The following DCDC2C variants were observed in gnomAD, a reference collection of about 807,000 sequenced individuals.
DCDC2C encodes doublecortin domain-containing protein 2C.
In DCDC2C, 44 loss-of-function variants were observed where a neutral mutation model predicts 45.0. That is an observed-to-expected ratio of 0.98 (90% confidence interval 0.77 to 1.26). DCDC2C has a LOEUF of 1.26. DCDC2C is among the 50% of genes most tolerant of loss of function. DCDC2C has a pLI of 0.00. For synonymous variants in DCDC2C, 187 were observed against 178.8 expected, an observed-to-expected ratio of 1.05 and a Z score of -0.37; for missense variants, 447 against 468.9, an observed-to-expected ratio of 0.95 and a Z score of 0.43.
intron 10 of DCDC2C, among the ~76,000 whole-genome samples, chr2:3,809,477 G>C (rs1671336171): frequency 3.3e-5 from 5 of 152,218 alleles, no homozygotes; most frequent in Admixed American, 2.0e-4. Context: ...TTTTGGTTTT[G>C]TAGCTATTGT....
intron 10 of DCDC2C, among the ~76,000 whole-genome samples, chr2:3,787,968 A>G (rs1033291237): frequency 6.6e-6 from 1 of 152,222 alleles, no homozygotes; most frequent in African/African-American, 2.4e-5. Context: ...TTTTGAGCAG[A>G]GCTGCCATTC....
chr2:3,759,901 C>T (rs537869922), intron 6 of DCDC2C, among the ~76,000 whole-genome samples: 7 of 152,264 alleles, frequency 4.6e-5, no homozygotes, highest in East Asian at 1.9e-4. Context: ...TGTGTGATGA[C>T]GATTTTCCTT....
In DCDC2C at chr2:3,722,867, C is replaced by G. The variant is rs1668536871; in HGVS notation, c.340-4136C>G. ...AGCAGAAAGCTGGTACTTAGGGTGG[C>G]TGTATTTTAATAGAATTTTGCAGAG... On this transcript the variant is annotated intron_variant, in intron 2 of 10. Coordinates refer to ENST00000399143, the MANE Select transcript of DCDC2C (RefSeq NM_001287444.2). Among the ~76,000 whole-genome samples, 2 of 152,094 alleles carry G rather than the reference C, an allele frequency of 1.3e-5. 1 individual carries two copies. The highest frequency in any genetic ancestry group is 4.1e-4 in the South Asian group (2 of 4,822).
chr2:3,784,599 T>A (rs1670602467), intron 9 of DCDC2C, among the ~76,000 whole-genome samples: 1 of 151,992 alleles, frequency 6.6e-6, no homozygotes, highest in Non-Finnish European at 1.5e-5. Flanking sequence ...AATATATTAA[T>A]GACTATTAAT....
At chr2:3,808,354 G>A (rs1484496704) in intron 10 of DCDC2C, among the ~76,000 whole-genome samples, 1 of 151,982 alleles carries the variant, frequency 6.6e-6, no homozygotes, top group Admixed American at 6.6e-5. Context: ...TTTGTTTAAT[G>A]GATTGTTTCC....
intron 9 of DCDC2C, among the ~76,000 whole-genome samples, chr2:3,783,780 T>C (rs973625409): frequency 6.6e-6 from 1 of 152,204 alleles, no homozygotes; most frequent in African/African-American, 2.4e-5. Flanking sequence ...TAGAGGGGAC[T>C]AAAGATGAAG....
chr2:3,785,977 T>G (rs1352820065), intron 10 of DCDC2C, among the ~76,000 whole-genome samples: 1 of 152,212 alleles, frequency 6.6e-6, no homozygotes, highest in Non-Finnish European at 1.5e-5. Flanking sequence ...TATTCAAAGT[T>G]TGTCTGTCCA....
At chr2:3,743,836 G>A (rs1163328717) in intron 4 of DCDC2C, among the ~76,000 whole-genome samples, 1 of 152,214 alleles carries the variant, frequency 6.6e-6, no homozygotes, top group Non-Finnish European at 1.5e-5. Flanking sequence ...GGGAGGCCGA[G>A]GCCGGTGGAT....
chr2:3,837,897 G>A (rs1244866985), intron 10 of DCDC2C, among the ~76,000 whole-genome samples: 1 of 152,154 alleles, frequency 6.6e-6, no homozygotes, highest in African/African-American at 2.4e-5. Flanking sequence ...CACATATCCC[G>A]GGAGGTGAGG....
At chr2:3,757,899 A>G (rs939065585) in intron 6 of DCDC2C, among the ~76,000 whole-genome samples, 1 of 152,178 alleles carries the variant, frequency 6.6e-6, no homozygotes, top group Non-Finnish European at 1.5e-5. Flanking sequence ...AACACTGCCC[A>G]ATGGAGTCAG....
At chr2:3,794,199 T>C (rs1054725474) in intron 10 of DCDC2C, among the ~76,000 whole-genome samples, 2 of 152,192 alleles carry the variant, frequency 1.3e-5, no homozygotes, top group Admixed American at 6.5e-5. Flanking sequence ...ATGCAAATGT[T>C]CAATGAGTTA....
intron 3 of DCDC2C, among the ~76,000 whole-genome samples, chr2:3,729,841 T>C (rs931471946): frequency 4.0e-5 from 6 of 151,856 alleles, no homozygotes; most frequent in African/African-American, 1.5e-4. Flanking sequence ...GGGGCTAGGG[T>C]CATCCTATGG....
intron 6 of DCDC2C, among the ~76,000 whole-genome samples, chr2:3,764,465 C>T (rs1461332109): frequency 6.6e-6 from 1 of 152,150 alleles, no homozygotes; most frequent in African/African-American, 2.4e-5. Context: ...AGACTTGGAC[C>T]ACAGTTTAGG....
In DCDC2C at chr2:3,704,264, GGGCAGGGCGGGCCCTGGCC is replaced by G. The variant is rs1446124001; in HGVS notation, c.287+232_287+250del. On this transcript the variant is annotated intron_variant, in intron 1 of 10. Transcript: ENST00000399143. ...CCCGCCCCCAGGGTCCCTTCCTATG[GGGCAGGGCGGGCCCTGGCC>G]GGCAGCGATTCAGGACCGCCCCAGA... 135 of 393,468 alleles carry G rather than the reference GGGCAGGGCGGGCCCTGGCC, an allele frequency of 3.4e-4. No individual in the cohort carries two copies. In the Admixed American group the frequency reaches 3.7e-3, roughly 11 times the overall value. 24.4% of individuals were successfully genotyped at this position (393,468 alleles called of 1,614,324 possible).
At chr2:3,745,572 G>A (rs924948668) in intron 4 of DCDC2C, among the ~76,000 whole-genome samples, 1 of 152,182 alleles carries the variant, frequency 6.6e-6, no homozygotes, top group Non-Finnish European at 1.5e-5. Flanking sequence ...ATCAATGTGT[G>A]TGTTACTTTT....
intron 10 of DCDC2C, among the ~76,000 whole-genome samples, chr2:3,822,018 C>T (rs1032398226): frequency 6.6e-6 from 1 of 152,194 alleles, no homozygotes; most frequent in South Asian, 2.1e-4. Flanking sequence ...GTCTACTAAT[C>T]GACCTTCAGT....
At chr2:3,747,154 C>G (rs1669391728) in intron 4 of DCDC2C, among the ~76,000 whole-genome samples, 1 of 152,194 alleles carries the variant, frequency 6.6e-6, no homozygotes, top group South Asian at 2.1e-4. Flanking sequence ...GCACGCAGCA[C>G]ACAGCACACA....
chr2:3,837,982 A>T (rs138504690), intron 10 of DCDC2C, among the ~76,000 whole-genome samples: 6 of 152,278 alleles, frequency 3.9e-5, no homozygotes, highest in African/African-American at 1.4e-4. Flanking sequence ...GCCATGAACT[A>T]TGAGTGTGGA....
chr2:3,789,834 G>A (rs776168621), intron 10 of DCDC2C, among the ~76,000 whole-genome samples: 2 of 152,142 alleles, frequency 1.3e-5, no homozygotes, highest in African/African-American at 4.8e-5. Flanking sequence ...TTGAAAACTA[G>A]GAAATTTTTG....
Sources: allele counts gnomAD v4.1 joint callset (sites outside exome capture counted in the v4.1 genomes callset), GRCh38; gene constraint gnomAD v4.1.1; transcripts MANE v1.5; gene names NCBI Gene and HGNC (gene_info 2026-07-23, HGNC 2026-07-21).